The following HECW2 variants were observed in gnomAD, a reference collection of about 807,000 sequenced individuals.
HECW2 encodes the protein HECT, C2 and WW domain containing E3 ubiquitin protein ligase 2, also known as E3 ubiquitin-protein ligase HECW2.
Under a neutral mutation model 175.2 loss-of-function variants are expected in HECW2, and 61 were observed. The observed-to-expected ratio is 0.35, with a 90% CI of 0.28 to 0.43. The LOEUF is 0.43. Among genes scored for constraint, HECW2 ranks in the 20% least tolerant of loss-of-function variants. The pLI is 1.00. For missense variants in HECW2, 1,524 were observed against 2,000.5 expected (o/e 0.76, Z 4.54); for synonymous variants, 671 against 731.0 (o/e 0.92, Z 1.32).
chr2:196,372,756 T>A (rs1304007811), intron 2 of HECW2, among the ~76,000 whole-genome samples: 1 of 152,154 alleles, frequency 6.6e-6, no homozygotes, highest in Non-Finnish European at 1.5e-5. Context: ...TTTATTTGCT[T>A]AACATTTTTT....
intron 21 of HECW2, among the ~76,000 whole-genome samples, chr2:196,230,593 C>T (rs1410067442): frequency 2.6e-5 from 4 of 152,212 alleles, no homozygotes; most frequent in Admixed American, 2.0e-4. Context: ...AAGACTTGAT[C>T]GTAACACTCC....
At chr2:196,462,615 A>C (rs1256343528) in intron 1 of HECW2, among the ~76,000 whole-genome samples, 1 of 152,204 alleles carries the variant, frequency 6.6e-6, no homozygotes, top group Non-Finnish European at 1.5e-5. Flanking sequence ...TTTACAAAGC[A>C]GACGGTTTTG....
chr2:196,543,609 T>G (rs1689300781), intron 1 of HECW2, among the ~76,000 whole-genome samples: 1 of 152,132 alleles, frequency 6.6e-6, no homozygotes, highest in Non-Finnish European at 1.5e-5. Flanking sequence ...AAACTTTTCT[T>G]TTTTTATTTT....
At chr2:196,438,030 G>C (rs1270375076) in intron 1 of HECW2, among the ~76,000 whole-genome samples, 4 of 152,144 alleles carry the variant, frequency 2.6e-5, no homozygotes. Context: ...TTCACGTTTT[G>C]TTTTGTTTTT....
rs185289419 is a variant in HECW2 at position 196,418,849 on chromosome 2, A to T, written c.292+14283T>A. ...CCTGAATATAGAGGATATTTAAAAA[A>T]TTTTTTCAGAAGCCTGGTACATTGT... On this transcript the variant is annotated intron_variant, in intron 2 of 28. Coordinates refer to ENST00000644978, the MANE Select transcript of HECW2 (RefSeq NM_001348768.2). 2.5e-4 allele frequency among the ~76,000 whole-genome samples: 38 copies of T among 152,296 alleles called. 1 individual carries two copies. The East Asian group carries it at 3.3e-3, about 13-fold the overall frequency.
intron 1 of HECW2, among the ~76,000 whole-genome samples, chr2:196,483,883 C>G (rs970311173): frequency 5.3e-5 from 8 of 152,112 alleles, no homozygotes; most frequent in Admixed American, 5.2e-4. Flanking sequence ...GTTTTTGAAT[C>G]TTTTGAGGGG....
chr2:196,263,738 C>T (rs1186919875), intron 17 of HECW2: 1 of 152,132 alleles, frequency 6.6e-6, no homozygotes, highest in East Asian at 1.9e-4. Flanking sequence ...ATTAATCAGC[C>T]ACATGTGTAG....
intron 20 of HECW2, among the ~76,000 whole-genome samples, chr2:196,241,748 G>A (rs896880625): frequency 6.6e-6 from 1 of 152,162 alleles, no homozygotes; most frequent in African/African-American, 2.4e-5. Context: ...AACTTGCAGT[G>A]GAGGACATTG....
chr2:196,240,298 T>TAAA (rs35227584), intron 21 of HECW2, 151 bp downstream of exon 21: 34 of 373,726 alleles, frequency 9.1e-5, no homozygotes, highest in Non-Finnish European at 1.3e-4. Flanking sequence ...AGGAGACCTT[T>TAAA]AAAAAAAAAA....
intron 2 of HECW2, among the ~76,000 whole-genome samples, chr2:196,378,430 C>T (rs1259554939): frequency 1.3e-5 from 2 of 152,196 alleles, no homozygotes; most frequent in African/African-American, 2.4e-5. Flanking sequence ...TCTTGTATAG[C>T]TTTCCCCATT....
At chr2:196,248,604 ACACACAC>A in intron 19 of HECW2, among the ~76,000 whole-genome samples, 1 of 140,386 alleles carries the variant, frequency 7.1e-6, no homozygotes, top group Non-Finnish European at 1.5e-5. Flanking sequence ...ACAGACACAC[ACACACAC>A]ACACACACAC....
intron 1 of HECW2, among the ~76,000 whole-genome samples, chr2:196,523,053 G>A (rs1409822996): frequency 1.6e-4 from 24 of 151,384 alleles, no homozygotes; most frequent in African/African-American, 5.6e-4. Context: ...CATTGAATCT[G>A]TAAATTACCT....
At chr2:196,410,204 T>G (rs1695071453) in intron 2 of HECW2, among the ~76,000 whole-genome samples, 1 of 152,200 alleles carries the variant, frequency 6.6e-6, no homozygotes, top group South Asian at 2.1e-4. Flanking sequence ...TGCAAAGATT[T>G]GTAAATATGA....
intron 1 of HECW2, among the ~76,000 whole-genome samples, chr2:196,542,718 G>C (rs1183010268): frequency 6.6e-6 from 1 of 151,094 alleles, no homozygotes; most frequent in Non-Finnish European, 1.5e-5. Context: ...GGATACAAAT[G>C]TATCCTATAT....
intron 28 of HECW2, among the ~76,000 whole-genome samples, chr2:196,211,831 C>G (rs1303070478): frequency 6.6e-6 from 1 of 152,052 alleles, no homozygotes; most frequent in African/African-American, 2.4e-5. Flanking sequence ...CCATGCCAGA[C>G]TTCTTAGAGG....
chr2:196,546,751 A>G (rs1211551324), intron 1 of HECW2, among the ~76,000 whole-genome samples: 2 of 152,110 alleles, frequency 1.3e-5, no homozygotes, highest in Non-Finnish European at 2.9e-5. Context: ...AGGCAACACA[A>G]CAAGATTCTT....
rs372530183 is a variant in HECW2 at position 196,516,867 on chromosome 2, T to C, written c.-36+76641A>G. Among the ~76,000 whole-genome samples the C allele has an allele frequency of 2.6e-5, 4 of 152,342 alleles. No individual in the cohort carries two copies. In the South Asian group the frequency reaches 8.3e-4, roughly 32 times the overall value. On this transcript the variant is annotated intron_variant, in intron 1 of 28. Coordinates refer to ENST00000644978, the MANE Select transcript of HECW2 (RefSeq NM_001348768.2). ...TCAGTTAAGCTAGGTACAGGCTATA[T>C]ATCCCATTCCTCACAAGCTTGCTAC...
At chr2:196,208,440 T>C (rs944363194) in intron 28 of HECW2, among the ~76,000 whole-genome samples, 3 of 152,226 alleles carry the variant, frequency 2.0e-5, no homozygotes, top group African/African-American at 7.2e-5. Context: ...AGCAAAGCCA[T>C]GTTTAATTCA....
At chr2:196,260,906 C>T (rs1045310717) in intron 17 of HECW2, among the ~76,000 whole-genome samples, 5 of 152,256 alleles carry the variant, frequency 3.3e-5, no homozygotes, top group African/African-American at 7.2e-5. Context: ...GTCTTCACTT[C>T]GATGATCAAA....
Sources: allele counts gnomAD v4.1 joint callset (sites outside exome capture counted in the v4.1 genomes callset), GRCh38; gene constraint gnomAD v4.1.1; transcripts MANE v1.5; gene names NCBI Gene and HGNC (gene_info 2026-07-23, HGNC 2026-07-21).